CATSPERE: variants seen among roughly 807,000 people sequenced by gnomAD.
CATSPERE encodes the protein cation channel sperm-associated auxiliary subunit epsilon.
A neutral mutation model predicts 114.1 loss-of-function variants in CATSPERE; 93 were observed. The observed-to-expected ratio is 0.81, with a 90% CI of 0.69 to 0.97. The LOEUF (loss-of-function observed/expected upper bound fraction) is 0.97. Ranked by LOEUF, CATSPERE falls within the 50% of genes least tolerant of loss-of-function variation. The pLI, the probability that CATSPERE is intolerant of heterozygous loss-of-function variation, is 0.00. For synonymous variants in CATSPERE, 341 were observed against 384.1 expected (o/e 0.89, Z 1.31); for missense variants, 1,058 against 1,131.6 (o/e 0.93, Z 0.93).
At chr1:244,535,508 C>T (rs1680256041) in intron 8 of CATSPERE, among the ~76,000 whole-genome samples, 1 of 152,210 alleles carries the variant, frequency 6.6e-6, no homozygotes, top group Non-Finnish European at 1.5e-5. Flanking sequence ...TTCCTTTTCA[C>T]AGACAGCGGA....
chr1:244,515,252 T>C, intron 7 of CATSPERE: 1 of 810,346 alleles, frequency 1.2e-6, no homozygotes, highest in Non-Finnish European at 1.5e-6. Context: ...TCAGGGACTT[T>C]GTAACTGTTG....
At chr1:244,557,789 A>G (rs910312985) in intron 9 of CATSPERE, among the ~76,000 whole-genome samples, 1 of 150,664 alleles carries the variant, frequency 6.6e-6, no homozygotes, top group African/African-American at 2.4e-5. Flanking sequence ...TTCCTTTCCT[A>G]CTAGGATTCC....
intron 10 of CATSPERE, among the ~76,000 whole-genome samples, chr1:244,564,588 C>T (rs1663131557): frequency 6.6e-6 from 1 of 152,180 alleles, no homozygotes; most frequent in African/African-American, 2.4e-5. Context: ...GATTTTTGCA[C>T]ATTGATTTTG....
upstream of CATSPERE, among the ~76,000 whole-genome samples, chr1:244,460,289 T>C (rs1666556645): frequency 6.6e-6 from 1 of 152,202 alleles, no homozygotes; most frequent in Non-Finnish European, 1.5e-5. Context: ...GATACAAGAT[T>C]CTGACTTGCC....
Position 244,528,825 on chromosome 1 carries a change from A to T in CATSPERE, c.536+10127A>T, listed in dbSNP as rs867387558. Among the ~76,000 whole-genome samples, 18 of 147,400 alleles carry T rather than the reference A, an allele frequency of 1.2e-4. No homozygotes were observed. In the South Asian group the frequency reaches 1.5e-3, roughly 12 times the overall value. On this transcript the variant is annotated intron_variant, in intron 8 of 21. Coordinates refer to ENST00000366534, the MANE Select transcript of CATSPERE (RefSeq NM_001130957.2). ...CACACACACACACACACACACACAC[A>T]CTCTACTCTTTCCAGCCCCTGGCAA...
At chr1:244,582,433 C>T (rs1187115983) in intron 12 of CATSPERE, among the ~76,000 whole-genome samples, 2 of 146,806 alleles carry the variant, frequency 1.4e-5, no homozygotes, top group South Asian at 2.1e-4. Context: ...GATGGAGTCT[C>T]ACTCTGTCAC....
chr1:244,568,095 G>C lies in CATSPERE; in HGVS notation c.1508-4235G>C, dbSNP rs1180797289. On this transcript the variant is annotated intron_variant, in intron 10 of 21. Transcript: ENST00000366534. This position sits in a 1 kb window ranked among gnomAD's most constrained non-coding sequence, Gnocchi z 4.4. ...TGTTAGTTTTCCTTCTAACAGTCAG[G>C]CTCCTCTCCTGCAGGTCTGCTGGAG... is the stretch of plus-strand genomic sequence containing the variant. Among the ~76,000 whole-genome samples the C allele has an allele frequency of 6.6e-6, 1 of 152,100 alleles. No homozygotes were observed. The highest frequency in any genetic ancestry group is 1.5e-5 in the Non-Finnish European group (1 of 68,022).
At chr1:244,479,063 G>A (rs1282292161) in intron 4 of CATSPERE, among the ~76,000 whole-genome samples, 1 of 149,396 alleles carries the variant, frequency 6.7e-6, no homozygotes. Context: ...AGATTTATGA[G>A]GAAGTAAGGG....
upstream of CATSPERE, among the ~76,000 whole-genome samples, chr1:244,453,361 A>G (rs1665802777): frequency 6.6e-6 from 1 of 152,128 alleles, no homozygotes; most frequent in Non-Finnish European, 1.5e-5. Flanking sequence ...TTTATGGGAG[A>G]CTGATTTGAG....
intron 7 of CATSPERE, among the ~76,000 whole-genome samples, chr1:244,503,570 G>A (rs1407770415): frequency 6.6e-6 from 1 of 152,004 alleles, no homozygotes; most frequent in Non-Finnish European, 1.5e-5. Context: ...CCAACTTCTA[G>A]GTTGCTAAAA....
At chr1:244,481,844 T>C (rs1414046868) in intron 5 of CATSPERE, among the ~76,000 whole-genome samples, 1 of 152,178 alleles carries the variant, frequency 6.6e-6, no homozygotes, top group Non-Finnish European at 1.5e-5. Flanking sequence ...CCTCCAGAAC[T>C]ATGAGAAATA....
chr1:244,486,789 C>G (rs1316855002), intron 5 of CATSPERE, among the ~76,000 whole-genome samples: 2 of 99,034 alleles, frequency 2.0e-5, no homozygotes, highest in Admixed American at 9.6e-5. Context: ...ATGTGGAGTA[C>G]TCGTGGGCCA....
At chr1:244,609,232 A>G (rs1389827193) in intron 18 of CATSPERE, among the ~76,000 whole-genome samples, 1 of 152,168 alleles carries the variant, frequency 6.6e-6, no homozygotes, top group Non-Finnish European at 1.5e-5. Context: ...ATGAATAGAT[A>G]GAAACATCCT....
intron 2 of CATSPERE, among the ~76,000 whole-genome samples, chr1:244,465,211 C>T (rs1667429081): frequency 1.3e-5 from 2 of 151,902 alleles, no homozygotes; most frequent in South Asian, 2.1e-4. Context: ...AATTTTTGTA[C>T]TTGTAGTAGA....
At chr1:244,477,400 T>A in intron 2 of CATSPERE, 141 bp from the exon 3 acceptor site, 1 of 607,688 alleles carries the variant, frequency 1.6e-6, no homozygotes. Context: ...GTCACATTAC[T>A]TTGTACAATT....
intron 9 of CATSPERE, among the ~76,000 whole-genome samples, chr1:244,558,661 CT>C (rs1558494011): frequency 6.6e-6 from 1 of 152,178 alleles, no homozygotes; most frequent in African/African-American, 2.4e-5. Flanking sequence ...TAGCTTCCAG[CT>C]TTTTGGTCAT....
intron 19 of CATSPERE, among the ~76,000 whole-genome samples, chr1:244,616,475 G>C (rs1671410891): frequency 6.6e-6 from 1 of 152,138 alleles, no homozygotes; most frequent in South Asian, 2.1e-4. Context: ...AAATTTATTG[G>C]TTCATGATTC....
intron 1 of CATSPERE, among the ~76,000 whole-genome samples, chr1:244,462,910 G>C (rs1046983404): frequency 6.6e-6 from 1 of 152,094 alleles, no homozygotes; most frequent in African/African-American, 2.4e-5. Flanking sequence ...GTTGCAATTA[G>C]GTATGCAATG....
chr1:244,512,879 G>C lies in CATSPERE; in HGVS notation c.430-5713G>C, dbSNP rs3003291. On this transcript the variant is annotated intron_variant, in intron 7 of 21. Coordinates refer to ENST00000366534, the MANE Select transcript of CATSPERE (RefSeq NM_001130957.2). ...AATGATGTCTCTGAGTTTTGCAGTGGCTTAGGCTGTGGTTGTTATTGAAGG... is the reference window on the plus strand; with the variant it reads ...AATGATGTCTCTGAGTTTTGCAGTGCCTTAGGCTGTGGTTGTTATTGAAGG... Among the ~76,000 whole-genome samples, 1,100 of 152,310 alleles carry C rather than the reference G, an allele frequency of 7.2e-3. 14 individuals carry two copies. The highest frequency in any genetic ancestry group is 0.025 in the African/African-American group (1,025 of 41,552).
Sources: gnomAD v4.1 joint callset for allele counts (sites outside exome capture counted in the v4.1 genomes callset) on GRCh38, gnomAD v4.1.1 for gene constraint, Gnocchi (gnomAD v3.1) non-coding constraint, MANE v1.5 for transcripts, NCBI Gene and HGNC (gene_info 2026-07-23, HGNC 2026-07-21) for gene names.